TAFA5: variants seen among roughly 807,000 people sequenced by gnomAD.
TAFA5 encodes the protein chemokine-like protein TAFA-5.
A neutral mutation model predicts 15.3 loss-of-function variants in TAFA5; 6 were observed. The observed-to-expected ratio is 0.39, with a 90% CI of 0.21 to 0.77. The LOEUF is 0.77. Among genes scored for constraint, TAFA5 ranks in the 30% least tolerant of loss-of-function variants. The pLI is 0.41. For synonymous variants in TAFA5, 103 were observed against 80.7 expected, an observed-to-expected ratio of 1.28 and a Z score of -1.48; for missense variants, 161 against 193.1, an observed-to-expected ratio of 0.83 and a Z score of 0.98.
intron 1 of TAFA5, among the ~76,000 whole-genome samples, chr22:48,615,211 G>C (rs147844465): frequency 6.6e-6 from 1 of 152,122 alleles, no homozygotes; most frequent in African/African-American, 2.4e-5. Flanking sequence ...GGGAAGACGG[G>C]AACAGTGATA....
chr22:48,565,432 G>A (rs1923377748), intron 1 of TAFA5, among the ~76,000 whole-genome samples: 1 of 152,224 alleles, frequency 6.6e-6, no homozygotes. Context: ...AATGCATGAT[G>A]CTCTGTTCCC....
intron 1 of TAFA5, among the ~76,000 whole-genome samples, chr22:48,531,020 G>A (rs1053741042): frequency 5.3e-5 from 8 of 152,044 alleles, no homozygotes; most frequent in Admixed American, 3.3e-4. Flanking sequence ...CATGCCAGCC[G>A]GCAAGAGCTG....
At chr22:48,632,963 TC>T (rs1926286642) in intron 1 of TAFA5, among the ~76,000 whole-genome samples, 1 of 152,160 alleles carries the variant, frequency 6.6e-6, no homozygotes, top group South Asian at 2.1e-4. Flanking sequence ...GGCGTGCACT[TC>T]CTGGGGCTGA....
chr22:48,722,894 G>A (rs1929611997), intron 3 of TAFA5, among the ~76,000 whole-genome samples: 2 of 152,308 alleles, frequency 1.3e-5, no homozygotes, highest in South Asian at 4.1e-4. Context: ...CTGGGCAGAG[G>A]CTGTGCAAGG....
At chr22:48,499,819 C>T (rs551316262) in intron 1 of TAFA5, among the ~76,000 whole-genome samples, 50 of 152,324 alleles carry the variant, frequency 3.3e-4, no homozygotes, top group African/African-American at 1.2e-3. Flanking sequence ...TCCCGGGTCC[C>T]CTTGTCGTGC....
chr22:48,660,235 A>G (rs1170410809), intron 2 of TAFA5, among the ~76,000 whole-genome samples: 46 of 152,144 alleles, frequency 3.0e-4, no homozygotes, highest in Admixed American at 2.4e-3. Context: ...CTGGCAAGGA[A>G]GTTGTTGTTT....
At chr22:48,660,593 C>T (rs1040127118) in intron 2 of TAFA5, among the ~76,000 whole-genome samples, 3 of 152,236 alleles carry the variant, frequency 2.0e-5, no homozygotes, top group Admixed American at 6.5e-5. Context: ...AGCTGATGTT[C>T]CTGTTTTCAG....
chr22:48,701,454 G>T (rs1228388483), intron 2 of TAFA5, among the ~76,000 whole-genome samples: 2 of 152,158 alleles, frequency 1.3e-5, no homozygotes, highest in African/African-American at 4.8e-5. Flanking sequence ...GACCCTGCCT[G>T]CCCGCTGGGA....
At chr22:48,511,811 C>T (rs917099023) in intron 1 of TAFA5, among the ~76,000 whole-genome samples, 1 of 152,250 alleles carries the variant, frequency 6.6e-6, no homozygotes, top group Admixed American at 6.5e-5. Flanking sequence ...GGGAGAGCCA[C>T]GGGGCAACTG....
At chr22:48,717,806 G>A (rs540592721) in intron 3 of TAFA5, among the ~76,000 whole-genome samples, 1 of 152,326 alleles carries the variant, frequency 6.6e-6, no homozygotes, top group East Asian at 1.9e-4. Context: ...CAGTTGAATT[G>A]GTCAGGGCAT....
intron 1 of TAFA5, among the ~76,000 whole-genome samples, chr22:48,557,775 T>C (rs6007882): frequency 0.029 from 4,475 of 152,184 alleles, 225 homozygotes; most frequent in African/African-American, 0.1. Flanking sequence ...TGATGGGCGA[T>C]CATTGTTCAG....
At chr22:48,740,697 G>A (rs977775123) in intron 3 of TAFA5, among the ~76,000 whole-genome samples, 3 of 152,202 alleles carry the variant, frequency 2.0e-5, no homozygotes, top group African/African-American at 7.2e-5. Flanking sequence ...CACCCCTGAT[G>A]GAGATTCACA....
chr22:48,510,283 C>T (rs1369503357), intron 1 of TAFA5, among the ~76,000 whole-genome samples: 1 of 152,138 alleles, frequency 6.6e-6, no homozygotes, highest in Non-Finnish European at 1.5e-5. Context: ...AGAATATTTG[C>T]GGGTTCTTCC....
At chr22:48,585,905 C>T (rs1353023867) in intron 1 of TAFA5, among the ~76,000 whole-genome samples, 7 of 152,120 alleles carry the variant, frequency 4.6e-5, no homozygotes, top group Non-Finnish European at 5.9e-5. Flanking sequence ...AGCCAAACAT[C>T]ATAAACACAC....
At chr22:48,501,380 C>T (rs185146066) in intron 1 of TAFA5, among the ~76,000 whole-genome samples, 79 of 152,374 alleles carry the variant, frequency 5.2e-4, no homozygotes, top group Admixed American at 2.8e-3. Flanking sequence ...CCCGCCCTCG[C>T]GTCTGGGCGT....
chr22:48,509,294 G>A (rs532869541), intron 1 of TAFA5, among the ~76,000 whole-genome samples: 122 of 152,258 alleles, frequency 8.0e-4, no homozygotes, highest in Non-Finnish European at 1.5e-3. Flanking sequence ...CCCTTTTCAC[G>A]TGCTGCTTTC....
chr22:48,583,992 A>G (rs1263640153), intron 1 of TAFA5, among the ~76,000 whole-genome samples: 9 of 145,190 alleles, frequency 6.2e-5, no homozygotes, highest in Non-Finnish European at 6.1e-5. Context: ...ATATACACCT[A>G]CCCACACATA....
chr22:48,664,915 C>G (rs1186304745), intron 2 of TAFA5, among the ~76,000 whole-genome samples: 1 of 152,180 alleles, frequency 6.6e-6, no homozygotes, highest in Non-Finnish European at 1.5e-5. Flanking sequence ...TGGTGCACGT[C>G]TCCGAGTGGC....
At chr22:48,557,593 C>G (rs77646050) in intron 1 of TAFA5, among the ~76,000 whole-genome samples, 1,572 of 152,322 alleles carry the variant, frequency 0.01, 41 homozygotes, top group African/African-American at 0.036. Context: ...AGCCTGGTCT[C>G]GCCCAAGCAT....
Sources: gnomAD v4.1 joint callset for allele counts (sites outside exome capture counted in the v4.1 genomes callset) on GRCh38, gnomAD v4.1.1 for gene constraint, MANE v1.5 for transcripts, NCBI Gene and HGNC (gene_info 2026-07-23, HGNC 2026-07-21) for gene names.